The following ROBO2 variants were observed in gnomAD, a reference collection of about 807,000 sequenced individuals.
ROBO2 encodes the protein roundabout guidance receptor 2, also known as roundabout homolog 2.
In ROBO2, 53 loss-of-function variants were observed where a neutral mutation model predicts 160.8. The observed-to-expected ratio is 0.33, with a 90% CI of 0.26 to 0.41. The LOEUF (loss-of-function observed/expected upper bound fraction) is 0.41, where lower values mean the gene tolerates loss of function less well. Ranked by LOEUF, ROBO2 falls within the 10% of genes least tolerant of loss-of-function variation. ROBO2 has a pLI of 1.00. For synonymous variants in ROBO2, 664 were observed against 611.7 expected, an observed-to-expected ratio of 1.09 and a Z score of -1.26; for missense variants, 1,577 against 1,722.4, an observed-to-expected ratio of 0.92 and a Z score of 1.49.
chr3:76,191,014 G>T (rs774891323), intron 2 of ROBO2, among the ~76,000 whole-genome samples: 1 of 152,010 alleles, frequency 6.6e-6, no homozygotes, highest in Admixed American at 6.6e-5. Context: ...TATATTAATC[G>T]CACATTAAGA....
chr3:76,423,738 C>T (rs116052181), intron 2 of ROBO2, among the ~76,000 whole-genome samples: 87 of 152,134 alleles, frequency 5.7e-4, no homozygotes, highest in African/African-American at 2.1e-3. Flanking sequence ...AAAAGTCCAC[C>T]GGATGACAGG....
At chr3:76,192,607 G>A (rs577699766) in intron 2 of ROBO2, among the ~76,000 whole-genome samples, 20 of 149,218 alleles carry the variant, frequency 1.3e-4, no homozygotes, top group African/African-American at 4.9e-4. Flanking sequence ...TATACCCATC[G>A]TGTCCTCCTG....
chr3:77,385,622 T>A (rs1350697541), intron 2 of ROBO2, among the ~76,000 whole-genome samples: 1 of 152,170 alleles, frequency 6.6e-6, no homozygotes, highest in South Asian at 2.1e-4. Flanking sequence ...AGAAATCTTT[T>A]ACACCTATTC....
At chr3:77,647,137 A>G (rs575684799) in exon 26 of ROBO2, 3 of 152,692 alleles carry the variant, frequency 2.0e-5, no homozygotes, top group Non-Finnish European at 4.4e-5. Flanking sequence ...CTCTATTGCA[A>G]TATCTTATTT....
intron 2 of ROBO2, among the ~76,000 whole-genome samples, chr3:77,252,525 G>C (rs982882158): frequency 1.3e-5 from 2 of 151,742 alleles, no homozygotes; most frequent in African/African-American, 2.4e-5. Flanking sequence ...ATTAGAAATA[G>C]AACCAGGCGC....
intron 2 of ROBO2, among the ~76,000 whole-genome samples, chr3:76,752,139 G>T (rs1452978504): frequency 6.6e-6 from 1 of 152,104 alleles, no homozygotes; most frequent in East Asian, 1.9e-4. Flanking sequence ...CATGTCTTTT[G>T]TAGGGATATG....
In ROBO2 at chr3:76,179,143, C is replaced by T. The variant is rs368243337; in HGVS notation, c.109+241541C>T. Among the ~76,000 whole-genome samples the T allele has an allele frequency of 6.6e-5, 10 of 152,084 alleles. No individual in the cohort carries two copies. In the South Asian group the frequency reaches 2.1e-3, roughly 32 times the overall value. On this transcript the variant is annotated intron_variant, in intron 2 of 26. Transcript: ENST00000487694. ...GAATTAATGAGACATATTAATTTGTCTCATTAATAATTAATAATGAGACAT... is the reference window on the plus strand; with the variant it reads ...GAATTAATGAGACATATTAATTTGTTTCATTAATAATTAATAATGAGACAT...
At chr3:77,067,757 T>C (rs1419801686) in intron 1 of ROBO2, among the ~76,000 whole-genome samples, 1 of 152,042 alleles carries the variant, frequency 6.6e-6, no homozygotes, top group African/African-American at 2.4e-5. Context: ...CTTCAGAAAA[T>C]AGATGAGAAA....
chr3:77,312,258 T>A (rs2063613427), intron 2 of ROBO2, among the ~76,000 whole-genome samples: 1 of 152,184 alleles, frequency 6.6e-6, no homozygotes, highest in Admixed American at 6.5e-5. Flanking sequence ...TATTGAGTAT[T>A]TTTGTGATTA....
At chr3:76,252,314 C>A (rs539134437) in intron 2 of ROBO2, among the ~76,000 whole-genome samples, 1 of 152,066 alleles carries the variant, frequency 6.6e-6, no homozygotes, top group African/African-American at 2.4e-5. Context: ...ATCAACCAGA[C>A]GTAATTGGTG....
At chr3:76,208,954 C>G (rs563799655) in intron 2 of ROBO2, among the ~76,000 whole-genome samples, 56 of 152,196 alleles carry the variant, frequency 3.7e-4, no homozygotes, top group African/African-American at 1.3e-3. Context: ...TTGCATGTAC[C>G]TGCTTTCATG....
intron 2 of ROBO2, among the ~76,000 whole-genome samples, chr3:76,024,974 A>G (rs2066693232): frequency 6.6e-6 from 1 of 150,382 alleles, no homozygotes; most frequent in Non-Finnish European, 1.5e-5. Context: ...GTGTATATAT[A>G]TATGCTTAAA....
At chr3:76,993,300 A>C (rs923573408) in intron 2 of ROBO2, among the ~76,000 whole-genome samples, 1 of 152,226 alleles carries the variant, frequency 6.6e-6, no homozygotes, top group African/African-American at 2.4e-5. Context: ...AAATGTAAAC[A>C]TCACTCTTAG....
At chr3:76,082,566 G>C (rs2068870433) in intron 2 of ROBO2, among the ~76,000 whole-genome samples, 1 of 152,086 alleles carries the variant, frequency 6.6e-6, no homozygotes, top group Admixed American at 6.6e-5. Context: ...CAAGTTAGTA[G>C]AGGCCAGTAA....
chr3:76,251,534 G>A (rs1476244461), intron 2 of ROBO2, among the ~76,000 whole-genome samples: 1 of 152,086 alleles, frequency 6.6e-6, no homozygotes, highest in Non-Finnish European at 1.5e-5. Context: ...GATCATACTT[G>A]TAAATTCTCT....
chr3:77,084,841 A>G (rs2069100975), intron 1 of ROBO2, among the ~76,000 whole-genome samples: 1 of 152,084 alleles, frequency 6.6e-6, no homozygotes, highest in Non-Finnish European at 1.5e-5. Flanking sequence ...TTGCACTCAC[A>G]TTTGCTGCTC....
chr3:76,609,765 A>G (rs1369080545), intron 2 of ROBO2, among the ~76,000 whole-genome samples: 1 of 152,198 alleles, frequency 6.6e-6, no homozygotes, highest in Non-Finnish European at 1.5e-5. Flanking sequence ...GTTGAATAAC[A>G]GTGTTGAAAG....
At chr3:76,365,643 G>A (rs539628194) in intron 2 of ROBO2, among the ~76,000 whole-genome samples, 1 of 152,138 alleles carries the variant, frequency 6.6e-6, no homozygotes, top group East Asian at 1.9e-4. Context: ...TTTCATATTT[G>A]ACATTAGGGC....
chr3:77,124,650 T>C (rs1053019319), intron 2 of ROBO2, among the ~76,000 whole-genome samples: 1 of 152,176 alleles, frequency 6.6e-6, no homozygotes, highest in African/African-American at 2.4e-5. Flanking sequence ...TGTTGTATTC[T>C]TGCATTCACT....
Sources: allele counts gnomAD v4.1 joint callset (sites outside exome capture counted in the v4.1 genomes callset), GRCh38; gene constraint gnomAD v4.1.1; transcripts MANE v1.5; gene names NCBI Gene and HGNC (gene_info 2026-07-23, HGNC 2026-07-21).